UPF2: variants seen among roughly 807,000 people sequenced by gnomAD.
The protein encoded by UPF2 is regulator of nonsense transcripts 2.
A neutral mutation model predicts 141.4 loss-of-function variants in UPF2; 17 were observed. The ratio of observed to expected loss-of-function variants is 0.12; its 90% confidence interval spans 0.08 to 0.18. The LOEUF (loss-of-function observed/expected upper bound fraction) is 0.18. UPF2 is among the 10% of genes least tolerant of loss of function. The pLI, the probability that UPF2 is intolerant of heterozygous loss-of-function variation, is 1.00. For synonymous variants in UPF2, 540 were observed against 498.0 expected (o/e 1.08, Z -1.12); for missense variants, 1,152 against 1,515.9 (o/e 0.76, Z 3.99).
Position 11,936,409 on chromosome 10 carries a change from T to C in UPF2, c.3546+136A>G, listed in dbSNP as rs1052592641. On this transcript the variant is annotated intron_variant, in intron 19 of 21. Transcript: ENST00000357604. This position sits in a 1 kb window ranked among gnomAD's most constrained non-coding sequence, Gnocchi z 6.6. ...ACAAAAACAAAAACAAAAAAAACTA[T>C]ATAAGGGAAGAAATTATTCTACCAC... 1.7e-5 allele frequency: 16 copies of C among 923,790 alleles called. 1 individual carries two copies. The highest frequency in any genetic ancestry group is 3.6e-5 in the Admixed American group (1 of 27,584). The allele number at this position is 923,790 out of a possible 1,614,324, so 57.2% of individuals were successfully genotyped here. A position where few individuals can be genotyped will look rare whatever the true frequency, so the allele number is the denominator to read the frequency against.
intron 5 of UPF2, among the ~76,000 whole-genome samples, chr10:12,002,141 C>G (rs1049780351): frequency 3.3e-5 from 5 of 151,876 alleles, no homozygotes; most frequent in African/African-American, 1.2e-4. Context: ...CATGGTGGCA[C>G]ATGTCTGTAA....
Position 11,963,998 on chromosome 10 carries a change from C to CA in UPF2, c.2184+10dup, listed in dbSNP as rs928681695. ...AACCTCTAGCTCTTACCAGCATCCT[C>CA]AAGCCCTTACCAAAAGTACACTGGT... On this transcript the variant is annotated intron_variant, in intron 11 of 21. Coordinates refer to ENST00000357604, the MANE Select transcript of UPF2 (RefSeq NM_015542.4). The CA allele has an allele frequency of 3.1e-6, 5 of 1,598,646 alleles. No individual in the cohort carries two copies. The African/African-American group carries it at 6.7e-5, about 21-fold the overall frequency.
intron 10 of UPF2, among the ~76,000 whole-genome samples, chr10:11,967,047 ACT>A (rs1414598694): frequency 1.3e-5 from 2 of 151,950 alleles, no homozygotes; most frequent in East Asian, 3.9e-4. Flanking sequence ...TTTAAGGGTG[ACT>A]CTGTTGTAGA....
At chr10:12,036,956 C>T (rs1834636605) in intron 1 of UPF2, among the ~76,000 whole-genome samples, 1 of 151,988 alleles carries the variant, frequency 6.6e-6, no homozygotes, top group Admixed American at 6.6e-5. Flanking sequence ...ACCCGGGAAG[C>T]GGAGGTTGTA....
chr10:11,955,099 T>C (rs1833128004), intron 14 of UPF2, 133 bp downstream of exon 14: 2 of 864,394 alleles, frequency 2.3e-6, no homozygotes, highest in Non-Finnish European at 3.1e-6. Flanking sequence ...AGCATTCTTA[T>C]ATGAAGAATA....
At position 11,979,018 on chromosome 10, in the gene UPF2, A is replaced by C. The variant is rs1833551644; in HGVS notation, c.1953+39T>G. 6.7e-7 allele frequency: 1 copy of C among 1,486,934 alleles called. No individual in the cohort carries two copies. Among genetic ancestry groups the C allele is most frequent in the Non-Finnish European group, 9.3e-7 (1 of 1,071,520 alleles). The allele number at this position is 1,486,934 out of a possible 1,614,324, so 92.1% of individuals were successfully genotyped here. The stretch of plus-strand genomic sequence containing the variant: ...TTAAAGAATCCTCACTCAACGTATA[A>C]GAATATAAATATTTCAAAATAAATG... On this transcript the variant is annotated intron_variant, in intron 9 of 21. Transcript: ENST00000357604. The surrounding 1 kb of genome is among the most constrained non-coding windows in gnomAD (Gnocchi z 6.2).
intron 3 of UPF2, among the ~76,000 whole-genome samples, chr10:12,024,567 G>A (rs535823450): frequency 2.3e-4 from 35 of 151,938 alleles, no homozygotes; most frequent in Non-Finnish European, 3.4e-4. Context: ...CCAAGATCAC[G>A]CCACTGTACT....
chr10:11,991,024 A>T (rs1833771277), intron 8 of UPF2, among the ~76,000 whole-genome samples: 2 of 152,094 alleles, frequency 1.3e-5, no homozygotes. Context: ...TGTTAATAAC[A>T]AAGCTGAGCA....
rs201921715 is a variant in UPF2 at position 11,994,900 on chromosome 10, T to C, written c.1844+2772A>G. Among the ~76,000 whole-genome samples, 53 of 135,452 alleles carry C rather than the reference T, an allele frequency of 3.9e-4. 2 individuals are homozygous for C. In the East Asian group the frequency reaches 0.011, roughly 28 times the overall value. The allele number at this position is 135,452 out of a possible 152,430, so 88.9% of individuals were successfully genotyped here. On this transcript the variant is annotated intron_variant, in intron 8 of 21. Transcript: ENST00000357604. ...CTGAGGCAGGAGAATGGCGTGAACCTGGGAGGCAGAGCTTGCAGTGAGCCG... is the reference window on the plus strand; with the variant it reads ...CTGAGGCAGGAGAATGGCGTGAACCCGGGAGGCAGAGCTTGCAGTGAGCCG...
chr10:12,032,457 C>A (rs1834542403), intron 2 of UPF2, among the ~76,000 whole-genome samples: 1 of 151,964 alleles, frequency 6.6e-6, no homozygotes, highest in Admixed American at 6.6e-5. Flanking sequence ...ATTATTGATG[C>A]TAGGTAGATG....
In UPF2 at chr10:11,943,156, T is replaced by C. The variant is rs756064403; in HGVS notation, c.3187A>G (p.Asn1063Asp). 4 of 1,608,310 alleles carry C rather than the reference T, an allele frequency of 2.5e-6. No individual in the cohort carries two copies. Among genetic ancestry groups the C allele is most frequent in the Admixed American group, 1.7e-5 (1 of 59,740 alleles). Residue 1063 changes from asparagine (N) to aspartate (D), a missense_variant, in exon 17 of 22, where the codon AAT (asparagine) becomes GAT (aspartate). Asn to Asp is a conservative substitution (Grantham distance 23). Around this residue, in one of 4 missense-constraint regions of UPF2, gnomAD observed 202 missense variants for 223.6 expected, o/e 0.90. Transcript: ENST00000357604. ...NEPEEEEGSD[N>D]DDDEGEEEEE... is the part of the protein sequence containing the mutation. ...TCTTCTTCTCCCTCATCATCATCAT[T>C]ATCAGAACCCTCCTGAAATTATTGA...
At position 12,001,763 on chromosome 10, in the gene UPF2, C is replaced by G; in HGVS notation, c.1567G>C (p.Glu523Gln). Residue 523 changes from glutamate (E) to glutamine (Q), a missense_variant, in exon 6 of 22, where the codon GAG becomes CAG. Around this residue, in one of 4 missense-constraint regions of UPF2, gnomAD observed 739 missense variants for 1,032.2 expected, o/e 0.72. Coordinates refer to ENST00000357604, the MANE Select transcript of UPF2 (RefSeq NM_015542.4). ...SSPDDLELEL[E>Q]NLEINDDTLE... is the part of the protein sequence containing the mutation. ...GTGTCATCATTAATTTCTAGATTCT[C>G]CAACTCAAGTTCCAAATCATCGGGA... 2.5e-6 allele frequency: 4 copies of G among 1,612,990 alleles called. No individual in the cohort carries two copies. Among genetic ancestry groups the G allele is most frequent in the Non-Finnish European group, 3.4e-6 (4 of 1,179,592 alleles).
intron 3 of UPF2, among the ~76,000 whole-genome samples, chr10:12,015,021 G>A (rs555424672): frequency 6.6e-6 from 1 of 152,144 alleles, no homozygotes; most frequent in Non-Finnish European, 1.5e-5. Flanking sequence ...AAAATGTATA[G>A]AGTAAAAGTC....
intron 8 of UPF2, among the ~76,000 whole-genome samples, chr10:11,983,053 A>C (rs1564354852): frequency 6.6e-6 from 1 of 152,226 alleles, no homozygotes; most frequent in Non-Finnish European, 1.5e-5. Context: ...CCAGCACTCA[A>C]ACAGTGCCTG....
chr10:11,925,946 A>G (rs4462245), intron 21 of UPF2, among the ~76,000 whole-genome samples: 8,550 of 152,308 alleles, frequency 0.056, 322 homozygotes, highest in Non-Finnish European at 0.085. Flanking sequence ...GCACACACAG[A>G]TATCAAATTT....
At chr10:12,041,280 A>G (rs952746963) in intron 1 of UPF2, among the ~76,000 whole-genome samples, 20 of 152,196 alleles carry the variant, frequency 1.3e-4, no homozygotes, top group Non-Finnish European at 1.8e-4. Flanking sequence ...GTGAGGAGAA[A>G]AAGTCGTGAT....
chr10:11,937,044 T>A lies in UPF2; in HGVS notation c.3379-332A>T, dbSNP rs191133032. Among the ~76,000 whole-genome samples the A allele has an allele frequency of 2.8e-3, 419 of 152,286 alleles. 2 individuals are homozygous for A. The highest frequency in any genetic ancestry group is 9.6e-3 in the African/African-American group (398 of 41,572). ...CAAATACACTACACCCTTCTATTCA[T>A]CCTCCTAGATCACATCTTCCTTCAT... On this transcript the variant is annotated intron_variant, in intron 18 of 21. Transcript: ENST00000357604.
chr10:12,013,973 G>C (rs764559324), intron 4 of UPF2, 51 bp downstream of exon 4: 1 of 1,420,952 alleles, frequency 7.0e-7, no homozygotes, highest in Non-Finnish European at 9.3e-7. Flanking sequence ...CTAAAGGTAA[G>C]TGACAGTGCT....
chr10:12,010,320 A>G (rs1834105109), intron 4 of UPF2, among the ~76,000 whole-genome samples: 1 of 152,238 alleles, frequency 6.6e-6, no homozygotes, highest in South Asian at 2.1e-4. Context: ...CGGAAATCAC[A>G]CAGATGACAA....
Sources: allele counts gnomAD v4.1 joint callset (sites outside exome capture counted in the v4.1 genomes callset), GRCh38; gene constraint gnomAD v4.1.1; regional missense constraint gnomAD v4.1.1; non-coding constraint Gnocchi (gnomAD v3.1); transcripts MANE v1.5; gene names NCBI Gene and HGNC (gene_info 2026-07-23, HGNC 2026-07-21).